The following UCK2 variants were observed in gnomAD, a reference collection of about 807,000 sequenced individuals.
UCK2 encodes the protein cytidine monophosphokinase 2.
A neutral mutation model predicts 30.8 loss-of-function variants in UCK2; 6 were observed. The observed-to-expected ratio is 0.19, with a 90% confidence interval of 0.11 to 0.38. UCK2 has a LOEUF of 0.38. Ranked by LOEUF, UCK2 falls within the 10% of genes least tolerant of loss-of-function variation. The pLI is 1.00. For missense variants in UCK2, 210 were observed against 339.8 expected, an observed-to-expected ratio of 0.62 and a Z score of 3.00; for synonymous variants, 125 against 133.6, an observed-to-expected ratio of 0.94 and a Z score of 0.45.
chr1:165,843,948 T>A (rs766592596), intron 1 of UCK2, among the ~76,000 whole-genome samples: 12 of 152,240 alleles, frequency 7.9e-5, no homozygotes, highest in Non-Finnish European at 1.5e-4. Flanking sequence ...TCAATGTATT[T>A]CTTTTGGTAA....
rs1655409867 is a variant in UCK2 at position 165,879,073 on chromosome 1, C to A, written c.100-11131C>A. 2.0e-5 allele frequency among the ~76,000 whole-genome samples: 3 copies of A among 152,170 alleles called. No homozygotes were observed. In the South Asian group the frequency reaches 6.2e-4, roughly 32 times the overall value. Reference sequence around the variant, plus strand: ...TTCCCTGATGACAATAGATGTGGAACATCTTTCCATATGCTTATATGTCAT... The same window carrying A: ...TTCCCTGATGACAATAGATGTGGAAAATCTTTCCATATGCTTATATGTCAT... On this transcript the variant is annotated intron_variant, in intron 1 of 6. Coordinates refer to ENST00000367879, the MANE Select transcript of UCK2 (RefSeq NM_012474.5).
intron 1 of UCK2, among the ~76,000 whole-genome samples, chr1:165,836,696 T>A (rs995400805): frequency 2.6e-5 from 4 of 152,192 alleles, no homozygotes; most frequent in African/African-American, 9.7e-5. Flanking sequence ...GGGCCTTTAT[T>A]TTGTAAAGTG....
At chr1:165,888,143 A>AT (rs1655666446) in intron 1 of UCK2, among the ~76,000 whole-genome samples, 1 of 152,196 alleles carries the variant, frequency 6.6e-6, no homozygotes, top group Non-Finnish European at 1.5e-5. Flanking sequence ...ACACAACTTT[A>AT]TAAGAATTGT....
At position 165,827,867 on chromosome 1, in the gene UCK2, C is replaced by A; in HGVS notation, c.34C>A (p.His12Asn). The change falls in exon 1 of 7, where the codon CAC becomes AAC. Residue 12 changes from histidine to asparagine, a missense_variant. Physicochemically the swap from His to Asn is moderately conservative, Grantham distance 68 (BLOSUM62 1). Coordinates refer to ENST00000367879, the MANE Select transcript of UCK2 (RefSeq NM_012474.5). ...GGACAGCGAGCAGACCCTGCAGAAC[C>A]ACCAGCAGCCCAACGGCGGCGAGCC... ...AGDSEQTLQN[H>N]QQPNGGEPFL... 1 of 1,481,164 alleles carries A rather than the reference C, an allele frequency of 6.8e-7. No individual in the cohort carries two copies. The highest frequency in any genetic ancestry group is 1.4e-5 in the South Asian group (1 of 73,510). The allele number at this position is 1,481,164 out of a possible 1,614,324, so 91.8% of individuals were successfully genotyped here.
rs189311392 is a variant in UCK2 at position 165,854,152 on chromosome 1, A to G, written c.99+26220A>G. On this transcript the variant is annotated intron_variant, in intron 1 of 6. Coordinates refer to ENST00000367879, the MANE Select transcript of UCK2 (RefSeq NM_012474.5). The stretch of plus-strand genomic sequence containing the variant: ...GTTGAGACTTTCTGAGCGCATAGGA[A>G]GCATTGGAGCAGTGGGATCTGGAGT... Among the ~76,000 whole-genome samples the G allele has an allele frequency of 6.8e-4, 104 of 152,314 alleles. 2 individuals are homozygous for G. The highest frequency in any genetic ancestry group is 6.3e-4 in the Non-Finnish European group (43 of 68,026).
Position 165,827,761 on chromosome 1 carries a change from G to C in UCK2, c.-73G>C. 1.6e-6 allele frequency: 2 copies of C among 1,247,596 alleles called. No individual in the cohort carries two copies. The highest frequency in any genetic ancestry group is 2.0e-6 in the Non-Finnish European group (2 of 977,138). The allele number at this position is 1,247,596 out of a possible 1,614,324, so 77.3% of individuals were successfully genotyped here. A position where few individuals can be genotyped will look rare whatever the true frequency, so the allele number is the denominator to read the frequency against. On this transcript the variant is annotated 5_prime_UTR_variant, in exon 1 of 7. Transcript: ENST00000367879. ...CAGCGGCGGCTGCGGAAAGCGGAGG[G>C]AGTCCGACGCGGGCGCGGGCGGGGA...
chr1:165,833,112 C>T (rs1654095719), intron 1 of UCK2, among the ~76,000 whole-genome samples: 1 of 152,178 alleles, frequency 6.6e-6, no homozygotes, highest in Non-Finnish European at 1.5e-5. Flanking sequence ...TGTCGGCGCC[C>T]ACTGCTCTGT....
intron 1 of UCK2, among the ~76,000 whole-genome samples, chr1:165,858,814 G>C (rs1207404304): frequency 1.3e-5 from 2 of 152,172 alleles, no homozygotes. Flanking sequence ...TGCTGATGGG[G>C]CAAGGGTGAC....
At chr1:165,833,697 A>G (rs2101847773) in intron 1 of UCK2, among the ~76,000 whole-genome samples, 1 of 152,202 alleles carries the variant, frequency 6.6e-6, no homozygotes, top group South Asian at 2.1e-4. Context: ...TGAAGACCTG[A>G]CCTTTTTTGC....
intron 1 of UCK2, among the ~76,000 whole-genome samples, chr1:165,843,656 T>C (rs1330114469): frequency 6.6e-6 from 1 of 152,128 alleles, no homozygotes. Context: ...CATGCACCTG[T>C]AGTAGGAGCT....
At chr1:165,842,550 C>T (rs977066785) in intron 1 of UCK2, among the ~76,000 whole-genome samples, 33 of 152,206 alleles carry the variant, frequency 2.2e-4, no homozygotes, top group Admixed American at 2.1e-3. Context: ...CACATCCATC[C>T]TGTCTCCTGG....
chr1:165,897,559 T>A (rs1001724308), intron 4 of UCK2, among the ~76,000 whole-genome samples: 3 of 152,158 alleles, frequency 2.0e-5, no homozygotes, highest in African/African-American at 7.2e-5. Context: ...AATGACGAGG[T>A]TAGCTCCTAG....
intron 1 of UCK2, among the ~76,000 whole-genome samples, chr1:165,839,275 G>T (rs1654269104): frequency 2.6e-5 from 4 of 152,128 alleles, no homozygotes; most frequent in Non-Finnish European, 5.9e-5. Flanking sequence ...AATATTGAGT[G>T]ATACATAGTG....
intron 4 of UCK2, chr1:165,902,707 A>G (rs771187248): frequency 6.9e-6 from 1 of 144,154 alleles, no homozygotes; most frequent in South Asian, 2.2e-4. Flanking sequence ...CAGAGGGGGC[A>G]TGGGTGGGAG....
chr1:165,867,021 C>T (rs1179543755), intron 1 of UCK2, among the ~76,000 whole-genome samples: 1 of 152,160 alleles, frequency 6.6e-6, no homozygotes, highest in East Asian at 1.9e-4. Context: ...AAGTGAATAT[C>T]ATAGTAAAGT....
chr1:165,862,928 G>A (rs1202149053), intron 1 of UCK2, among the ~76,000 whole-genome samples: 2 of 152,186 alleles, frequency 1.3e-5, no homozygotes, highest in African/African-American at 4.8e-5. Flanking sequence ...TCCCTGTGTA[G>A]AAAAGAAAAA....
intron 1 of UCK2, among the ~76,000 whole-genome samples, chr1:165,887,720 C>T (rs1311313814): frequency 6.6e-6 from 1 of 151,998 alleles, no homozygotes; most frequent in South Asian, 2.1e-4. Flanking sequence ...AAATTGAGGG[C>T]CTACAGGTGT....
rs1298428134 is a variant in UCK2, at chr1:165,909,617, G to A, written c.*1794G>A. ...TTCAGGAGACCGTGCAGGCTCTGAA[G>A]GGAGCTCCCAGTCACAGCAGCCGCC... On this transcript the variant is annotated 3_prime_UTR_variant, in exon 7 of 7. Coordinates refer to ENST00000367879, the MANE Select transcript of UCK2 (RefSeq NM_012474.5). 6.6e-6 allele frequency: 1 copy of A among 152,258 alleles called. No individual in the cohort carries two copies. The highest frequency in any genetic ancestry group is 1.5e-5 in the Non-Finnish European group (1 of 68,068). The allele number at this position is 152,258 out of a possible 1,614,324, so 9.4% of individuals were successfully genotyped here.
intron 4 of UCK2, among the ~76,000 whole-genome samples, chr1:165,899,423 G>A (rs993356626): frequency 1.3e-5 from 2 of 152,168 alleles, no homozygotes; most frequent in African/African-American, 4.8e-5. Context: ...ACTGGGCCTT[G>A]GGGGATTCAG....
Sources: gnomAD v4.1 joint callset for allele counts (sites outside exome capture counted in the v4.1 genomes callset) on GRCh38, gnomAD v4.1.1 for gene constraint, MANE v1.5 for transcripts, NCBI Gene and HGNC (gene_info 2026-07-23, HGNC 2026-07-21) for gene names.